The following MAP3K10 variants were observed in gnomAD, a reference collection of about 807,000 sequenced individuals.
MAP3K10 encodes the protein mitogen-activated protein kinase kinase kinase 10, also known as MKN28 derived nonreceptor_type serine/threonine kinase.
MAP3K10 carries 22 observed loss-of-function variants against 75.0 expected under a neutral mutation model. That is an observed-to-expected ratio of 0.29 (90% CI 0.21 to 0.42). MAP3K10 has a LOEUF of 0.42. MAP3K10 is among the 10% of genes least tolerant of loss of function. The probability of loss-of-function intolerance (pLI) is 1.00; values close to 1 mark genes in which losing one functional copy is unlikely to be tolerated. For synonymous variants in MAP3K10, 599 were observed against 612.9 expected, an observed-to-expected ratio of 0.98 and a Z score of 0.34; for missense variants, 1,165 against 1,379.8, an observed-to-expected ratio of 0.84 and a Z score of 2.47.
chr19:40,207,727 C>T (rs1352611138), intron 5 of MAP3K10, among the ~76,000 whole-genome samples: 1 of 152,160 alleles, frequency 6.6e-6, no homozygotes, highest in Non-Finnish European at 1.5e-5. Context: ...AAGAGCAAAA[C>T]TCCATCTCAA....
Position 40,212,749 on chromosome 19 carries a change from G to T in MAP3K10, c.1553-56G>T. ...CTGAGCTGGGGGCACTGGAGGCTGGGAGCCCAGTGGGGACAGATCCTCCAC... is the reference window on the plus strand; with the variant it reads ...CTGAGCTGGGGGCACTGGAGGCTGGTAGCCCAGTGGGGACAGATCCTCCAC... On this transcript the variant is annotated intron_variant, in intron 6 of 9. Transcript: ENST00000253055. The surrounding 1 kb of genome is among the most constrained non-coding windows in gnomAD (Gnocchi z 4.2). 1.3e-6 allele frequency: 2 copies of T among 1,553,348 alleles called. No individual in the cohort carries two copies. The highest frequency in any genetic ancestry group is 1.7e-6 in the Non-Finnish European group (2 of 1,149,526).
chr19:40,206,204 C>A, intron 5 of MAP3K10, 47 bp downstream of exon 5: 1 of 1,533,384 alleles, frequency 6.5e-7, no homozygotes, highest in Non-Finnish European at 8.8e-7. Flanking sequence ...CTGCTGGGAG[C>A]AGCCCCGACC....
At chr19:40,206,861 A>G (rs886427575) in intron 5 of MAP3K10, among the ~76,000 whole-genome samples, 7 of 152,148 alleles carry the variant, frequency 4.6e-5, no homozygotes, top group Non-Finnish European at 1.0e-4. Flanking sequence ...TGGGAGGCCA[A>G]AGTGCGTAGA....
chr19:40,204,984 C>T lies in MAP3K10; in HGVS notation c.1013-137C>T, dbSNP rs1025860591. On this transcript the variant is annotated intron_variant, in intron 3 of 9. Transcript: ENST00000253055. This position sits in a 1 kb window ranked among gnomAD's most constrained non-coding sequence, Gnocchi z 4.3. Reference sequence around the variant, plus strand: ...ATTGGCCAGGAGCTTGGCTTTGAATCCCTTCCCCTCAGCTCCATAGCAGCT... The same window carrying T: ...ATTGGCCAGGAGCTTGGCTTTGAATTCCTTCCCCTCAGCTCCATAGCAGCT... 19 of 817,802 alleles carry T rather than the reference C, an allele frequency of 2.3e-5. No homozygotes were observed. Among genetic ancestry groups the T allele is most frequent in the Non-Finnish European group, 3.6e-5 (18 of 494,690 alleles). The allele number at this position is 817,802 out of a possible 1,614,324, so 50.7% of individuals were successfully genotyped here.
At position 40,191,469 on chromosome 19, in the gene MAP3K10, G is replaced by GGGGGCA. The variant is rs1384713356; in HGVS notation, c.-557_-552dup. 1.3e-5 allele frequency among the ~76,000 whole-genome samples: 2 copies of GGGGGCA among 151,298 alleles called. No homozygotes were observed. Among genetic ancestry groups the GGGGGCA allele is most frequent in the Non-Finnish European group, 3.0e-5 (2 of 67,722 alleles). Reference sequence around the variant, plus strand: ...GTGGCCCGGGGAAGCAGCACGGGCGGGGGGCAGGGGCTGGGGCCGACCGGG... The same window carrying GGGGGCA: ...GTGGCCCGGGGAAGCAGCACGGGCGGGGGGCAGGGGCAGGGGCTGGGGCCGACCGGG... On this transcript the variant is annotated 5_prime_UTR_variant, in exon 1 of 10. Coordinates refer to ENST00000253055, the MANE Select transcript of MAP3K10 (RefSeq NM_002446.4).
In MAP3K10 at chr19:40,213,774, G is replaced by A; in HGVS notation, c.2095G>A (p.Gly699Ser). The A allele has an allele frequency of 1.7e-6, 2 of 1,184,324 alleles. No individual in the cohort carries two copies. The highest frequency in any genetic ancestry group is 1.7e-5 in the African/African-American group (1 of 60,190). The allele number at this position is 1,184,324 out of a possible 1,614,324, so 73.4% of individuals were successfully genotyped here. The change falls in exon 9 of 10, where the codon GGT becomes AGT. Residue 699 changes from glycine to serine, a missense_variant. Gly to Ser is a moderately conservative substitution (Grantham distance 56). Coordinates refer to ENST00000253055, the MANE Select transcript of MAP3K10 (RefSeq NM_002446.4). The surrounding 1 kb of genome is among the most constrained non-coding windows in gnomAD (Gnocchi z 5.7). ...CGTGGCCGAGGCGCGCGCGGCCGAC[G>A]GTGAGGAGCAGCGGCGCTGGCTCGA... is the stretch of plus-strand genomic sequence containing the variant. ...ADVAEARAAD[G>S]EEQRRWLDGL...
chr19:40,202,775 G>T (rs1332532095), intron 2 of MAP3K10, among the ~76,000 whole-genome samples: 1 of 152,058 alleles, frequency 6.6e-6, no homozygotes, highest in East Asian at 1.9e-4. Flanking sequence ...ACTCTTTCCC[G>T]GCCGGGCACC....
rs1268212050 is a variant in MAP3K10, at chr19:40,198,632, G to T, written c.863+77G>T. The T allele has an allele frequency of 1.4e-5, 20 of 1,411,764 alleles. No homozygotes were observed. Among genetic ancestry groups the T allele is most frequent in the Non-Finnish European group, 1.9e-5 (20 of 1,042,604 alleles). 87.5% of individuals were successfully genotyped at this position (1,411,764 alleles called of 1,614,324 possible). A position where few individuals can be genotyped will look rare whatever the true frequency, so the allele number is the denominator to read the frequency against. ...GGGGTGAGGGCAGAGTGGGAGGGAG[G>T]GTCTCCTGCTGAAGCCAGGATCTCA... On this transcript the variant is annotated intron_variant, in intron 2 of 9. Transcript: ENST00000253055. The surrounding 1 kb of genome is among the most constrained non-coding windows in gnomAD (Gnocchi z 4.3).
At chr19:40,214,253 A>T in intron 9 of MAP3K10, 32 bp downstream of exon 9, 1 of 1,367,420 alleles carries the variant, frequency 7.3e-7, no homozygotes, top group East Asian at 3.1e-5. Flanking sequence ...CAGGTCACAG[A>T]AAACCCCTTC....
intron 1 of MAP3K10, among the ~76,000 whole-genome samples, chr19:40,197,574 C>T (rs984565742): frequency 2.0e-5 from 3 of 151,894 alleles, no homozygotes; most frequent in Non-Finnish European, 4.4e-5. Flanking sequence ...GATCCGCCTG[C>T]CTTAGCCTCC....
rs1223567040 is a variant in MAP3K10 at position 40,208,361 on chromosome 19, T to TTTTA, written c.1436-739_1436-738insATTT. ...TCTTTCTTTCTTTTTTTTTTTTTTT[T>TTTTA]TTTTTTTTGTATTTTTAGTAGAGAC... On this transcript the variant is annotated intron_variant, in intron 5 of 9. Transcript: ENST00000253055. Among the ~76,000 whole-genome samples the TTTTA allele has an allele frequency of 1.7e-3, 197 of 116,252 alleles. 1 individual carries two copies. The highest frequency in any genetic ancestry group is 2.7e-3 in the Non-Finnish European group (154 of 56,214). The allele number at this position is 116,252 out of a possible 152,430, so 76.3% of individuals were successfully genotyped here.
In MAP3K10 at chr19:40,215,439, T is replaced by C; in HGVS notation, c.*147T>C. ...AGGAGGGAGGGGGGGGACACTTAAC[T>C]TATTCCTTTGTACCCCAGGGGGTGG... On this transcript the variant is annotated 3_prime_UTR_variant, in exon 10 of 10. Coordinates refer to ENST00000253055, the MANE Select transcript of MAP3K10 (RefSeq NM_002446.4). 1 of 766,732 alleles carries C rather than the reference T, an allele frequency of 1.3e-6. No homozygotes were observed. 47.5% of individuals were successfully genotyped at this position (766,732 alleles called of 1,614,324 possible).
chr19:40,204,561 G>A lies in MAP3K10; in HGVS notation c.940G>A (p.Gly314Ser), dbSNP rs1162235745. ...REIDALAVAY[G>S]VAMNKLTLPI... ...GATCGACGCCTTGGCCGTGGCGTAT[G>A]GCGTGGCTATGAATAAGCTGACGCT... The change falls in exon 3 of 10, where the codon GGC (glycine) becomes AGC (serine). Residue 314 changes from glycine (G) to serine (S), a missense_variant. Transcript: ENST00000253055. The surrounding 1 kb of genome is among the most constrained non-coding windows in gnomAD (Gnocchi z 4.3). The A allele has an allele frequency of 6.2e-7, 1 of 1,614,076 alleles. No homozygotes were observed. The highest frequency in any genetic ancestry group is 1.7e-5 in the Admixed American group (1 of 60,018).
chr19:40,215,541 C>T lies in MAP3K10; in HGVS notation c.*249C>T. 1 of 450,702 alleles carries T rather than the reference C, an allele frequency of 2.2e-6. No homozygotes were observed. Among genetic ancestry groups the T allele is most frequent in the Admixed American group, 3.5e-5 (1 of 28,954 alleles). The allele number at this position is 450,702 out of a possible 1,614,324, so 27.9% of individuals were successfully genotyped here. ...ACAGGGCATCATGGGGGATTTGGCA[C>T]AAAATGGAGCATTAAAGGTAACCCC... On this transcript the variant is annotated 3_prime_UTR_variant, in exon 10 of 10. Transcript: ENST00000253055.
In MAP3K10 at chr19:40,198,595, G is replaced by A; in HGVS notation, c.863+40G>A. 1 of 1,568,156 alleles carries A rather than the reference G, an allele frequency of 6.4e-7. No individual in the cohort carries two copies. The highest frequency in any genetic ancestry group is 8.7e-7 in the Non-Finnish European group (1 of 1,150,964). ...GGCCGGGATGGCCTCTGGGGAGTAA[G>A]GGAGGGAGGAAGGGGTGAGGGCAGA... On this transcript the variant is annotated intron_variant, in intron 2 of 9. Transcript: ENST00000253055. This position sits in a 1 kb window ranked among gnomAD's most constrained non-coding sequence, Gnocchi z 4.3.
chr19:40,199,350 C>G (rs1301330472), intron 2 of MAP3K10, among the ~76,000 whole-genome samples: 2 of 152,048 alleles, frequency 1.3e-5, no homozygotes, highest in Non-Finnish European at 2.9e-5. Context: ...GACAAGTACA[C>G]CAGAAAAAAG....
chr19:40,214,871 A>C (rs1177297756), intron 9 of MAP3K10, 99 bp from the exon 10 acceptor site: 4 of 652,434 alleles, frequency 6.1e-6, no homozygotes, highest in Non-Finnish European at 1.1e-5. Flanking sequence ...GGATTTCTCG[A>C]GAGAAACCAG....
At position 40,212,532 on chromosome 19, in the gene MAP3K10, G is replaced by A. The variant is rs1973259126; in HGVS notation, c.1553-273G>A. ...GCGCAGGCAGCCCGCCAGAATGAAT[G>A]GTGAAGGGTTAGGCTGTGAAGAGGA... On this transcript the variant is annotated intron_variant, in intron 6 of 9. Coordinates refer to ENST00000253055, the MANE Select transcript of MAP3K10 (RefSeq NM_002446.4). This position sits in a 1 kb window ranked among gnomAD's most constrained non-coding sequence, Gnocchi z 4.2. Among the ~76,000 whole-genome samples the A allele has an allele frequency of 6.6e-6, 1 of 152,216 alleles. No homozygotes were observed. The highest frequency in any genetic ancestry group is 2.4e-5 in the African/African-American group (1 of 41,442).
Position 40,192,757 on chromosome 19 carries a change from C to A in MAP3K10, c.682+44C>A, listed in dbSNP as rs1406867065. On this transcript the variant is annotated intron_variant, in intron 1 of 9. Coordinates refer to ENST00000253055, the MANE Select transcript of MAP3K10 (RefSeq NM_002446.4). The surrounding 1 kb of genome is among the most constrained non-coding windows in gnomAD (Gnocchi z 7.1). The stretch of plus-strand genomic sequence containing the variant: ...CCAAAATTCCTTCCACAGAACCTCT[C>A]AAGGCCAGGCCTAGGTGGTGGGAAA... The A allele has an allele frequency of 1.4e-6, 2 of 1,454,916 alleles. No individual in the cohort carries two copies. Among genetic ancestry groups the A allele is most frequent in the Non-Finnish European group, 1.8e-6 (2 of 1,091,680 alleles). The allele number at this position is 1,454,916 out of a possible 1,614,324, so 90.1% of individuals were successfully genotyped here.
Sources: allele counts gnomAD v4.1 joint callset (sites outside exome capture counted in the v4.1 genomes callset), GRCh38; gene constraint gnomAD v4.1.1; non-coding constraint Gnocchi (gnomAD v3.1); transcripts MANE v1.5; gene names NCBI Gene and HGNC (gene_info 2026-07-23, HGNC 2026-07-21).